The following EPB41L5 variants were observed in gnomAD, a reference collection of about 807,000 sequenced individuals.
EPB41L5 encodes band 4.1-like protein 5.
A neutral mutation model predicts 106.6 loss-of-function variants in EPB41L5; 55 were observed. That is an observed-to-expected ratio of 0.52 (90% confidence interval 0.42 to 0.65). The LOEUF (loss-of-function observed/expected upper bound fraction) is 0.65. EPB41L5 is among the 30% of genes least tolerant of loss of function. The probability of loss-of-function intolerance (pLI) is 0.00; values close to 1 mark genes in which losing one functional copy is unlikely to be tolerated. For synonymous variants in EPB41L5, 297 were observed against 306.7 expected (o/e 0.97, Z 0.33); for missense variants, 871 against 882.1 (o/e 0.99, Z 0.16).
Position 120,114,144 on chromosome 2 carries a change from C to CT in EPB41L5, c.1337+13336dup, listed in dbSNP as rs552595326. 7.7e-3 allele frequency among the ~76,000 whole-genome samples: 1,167 copies of CT among 152,216 alleles called. 12 individuals carry two copies. Among genetic ancestry groups the CT allele is most frequent in the African/African-American group, 0.027 (1,107 of 41,540 alleles). ...TTCACCAACACTTACTATTGCCTGTCTTTTTTATTATAGGCATCCTAGTTG... is the reference window on the plus strand; with the variant it reads ...TTCACCAACACTTACTATTGCCTGTCTTTTTTTATTATAGGCATCCTAGTTG... On this transcript the variant is annotated intron_variant, in intron 16 of 24. Coordinates refer to ENST00000263713, the MANE Select transcript of EPB41L5 (RefSeq NM_020909.4).
Position 120,120,739 on chromosome 2 carries a change from T to C in EPB41L5, c.1338-6949T>C, listed in dbSNP as rs548210141. Among the ~76,000 whole-genome samples, 3 of 152,244 alleles carry C rather than the reference T, an allele frequency of 2.0e-5. No individual in the cohort carries two copies. In the East Asian group the frequency reaches 5.8e-4, roughly 29 times the overall value. On this transcript the variant is annotated intron_variant, in intron 16 of 24. Coordinates refer to ENST00000263713, the MANE Select transcript of EPB41L5 (RefSeq NM_020909.4). ...GTTAAAGACTAAAATAATGAGGGGA[T>C]TGAGAACTGTAAGTTTTGAAAAACT... is the stretch of plus-strand genomic sequence containing the variant.
intron 16 of EPB41L5, among the ~76,000 whole-genome samples, chr2:120,123,906 C>T (rs1176868282): frequency 2.6e-5 from 4 of 152,092 alleles, no homozygotes; most frequent in Non-Finnish European, 4.4e-5. Flanking sequence ...AATCCTCCCA[C>T]CTCGGCCTCC....
intron 2 of EPB41L5, among the ~76,000 whole-genome samples, chr2:120,030,894 G>A (rs1376889163): frequency 2.7e-5 from 4 of 149,952 alleles, no homozygotes; most frequent in African/African-American, 7.4e-5. Context: ...AATTTATTTA[G>A]AGACAGAGTT....
chr2:120,173,078 C>A (rs1687756121), intron 24 of EPB41L5, among the ~76,000 whole-genome samples: 1 of 152,106 alleles, frequency 6.6e-6, no homozygotes, highest in Non-Finnish European at 1.5e-5. Flanking sequence ...ACAACAACAA[C>A]AAACCCACTA....
At chr2:120,136,331 G>A (rs572804772) in intron 18 of EPB41L5, among the ~76,000 whole-genome samples, 1 of 151,256 alleles carries the variant, frequency 6.6e-6, no homozygotes, top group Non-Finnish European at 1.5e-5. Context: ...AAAAAGGAAG[G>A]CAGGCAAGAA....
At chr2:120,029,189 G>GA (rs1678539086) in intron 2 of EPB41L5, among the ~76,000 whole-genome samples, 1 of 151,990 alleles carries the variant, frequency 6.6e-6, no homozygotes, top group East Asian at 1.9e-4. Flanking sequence ...TTCTGAGATG[G>GA]AGTCTCACTC....
chr2:120,099,761 T>G (rs916176514), intron 14 of EPB41L5, among the ~76,000 whole-genome samples: 1 of 152,112 alleles, frequency 6.6e-6, no homozygotes, highest in Admixed American at 6.5e-5. Context: ...TATAAGTCAT[T>G]TGGAGAGGAA....
chr2:120,013,809 A>G (rs1677313811), intron 1 of EPB41L5: 1 of 152,186 alleles, frequency 6.6e-6, no homozygotes, highest in Non-Finnish European at 1.5e-5. Context: ...AATTCTACCT[A>G]AGAGCGAGAC....
Position 120,160,863 on chromosome 2 carries a change from T to A in EPB41L5, c.1794-18T>A, listed in dbSNP as rs767618775. On this transcript the variant is annotated intron_variant, in intron 20 of 24. Coordinates refer to ENST00000263713, the MANE Select transcript of EPB41L5 (RefSeq NM_020909.4). Reference sequence around the variant, plus strand: ...TGTACAGGTCCTACATGATGTGAATTTATCTTTTTCTTCCTAGTGCTGTGT... The same window carrying A: ...TGTACAGGTCCTACATGATGTGAATATATCTTTTTCTTCCTAGTGCTGTGT... 2 of 1,589,880 alleles carry A rather than the reference T, an allele frequency of 1.3e-6. No homozygotes were observed. Among genetic ancestry groups the A allele is most frequent in the Non-Finnish European group, 1.7e-6 (2 of 1,158,106 alleles).
At chr2:120,113,711 G>T (rs562606255) in intron 16 of EPB41L5, among the ~76,000 whole-genome samples, 1 of 152,162 alleles carries the variant, frequency 6.6e-6, no homozygotes, top group South Asian at 2.1e-4. Context: ...AATTTACTTT[G>T]TGTTTCTATA....
chr2:120,084,458 T>A (rs1682915650), intron 10 of EPB41L5, among the ~76,000 whole-genome samples: 1 of 152,210 alleles, frequency 6.6e-6, no homozygotes, highest in African/African-American at 2.4e-5. Flanking sequence ...TGGCCCCTAG[T>A]CTCTTCTGGC....
Position 120,072,429 on chromosome 2 carries a change from C to G in EPB41L5, c.286-749C>G, listed in dbSNP as rs143313339. Among the ~76,000 whole-genome samples the G allele has an allele frequency of 3.4e-3, 523 of 152,164 alleles. 2 individuals are homozygous for G. The highest frequency in any genetic ancestry group is 8.6e-3 in the Admixed American group (131 of 15,254). ...ATTTGACCCAGCAATCCCATTACTGCGTATATACCCAAAGGATTATAAGTC... is the reference window on the plus strand; with the variant it reads ...ATTTGACCCAGCAATCCCATTACTGGGTATATACCCAAAGGATTATAAGTC... On this transcript the variant is annotated intron_variant, in intron 3 of 24. Transcript: ENST00000263713.
In EPB41L5 at chr2:120,175,418, C is replaced by CTTT. The variant is rs34620344; in HGVS notation, c.*523_*525dup. On this transcript the variant is annotated 3_prime_UTR_variant, in exon 25 of 25. Coordinates refer to ENST00000263713, the MANE Select transcript of EPB41L5 (RefSeq NM_020909.4). ...ACTATAAAGGCAGACTTAGGGCCAA[C>CTTT]TTTTTTTTTTTTTTACAATTATTAC... The CTTT allele has an allele frequency of 1.5e-3, 210 of 143,688 alleles. No individual in the cohort carries two copies. Among genetic ancestry groups the CTTT allele is most frequent in the African/African-American group, 4.8e-3 (187 of 39,190 alleles). 8.9% of individuals were successfully genotyped at this position (143,688 alleles called of 1,614,324 possible).
Position 120,041,968 on chromosome 2 carries a change from A to G in EPB41L5, c.181-38A>G, listed in dbSNP as rs371751756. On this transcript the variant is annotated intron_variant, in intron 2 of 24. Transcript: ENST00000263713. ...TTTGTTCAGGCTTGTTGATCTTATA[A>G]ACCACTTATTGATTTACTTATTATC... 68 of 1,487,042 alleles carry G rather than the reference A, an allele frequency of 4.6e-5. No homozygotes were observed. The Admixed American group carries it at 5.2e-4, about 11-fold the overall frequency. The allele number at this position is 1,487,042 out of a possible 1,614,324, so 92.1% of individuals were successfully genotyped here.
chr2:120,105,741 A>AAT, intron 16 of EPB41L5: 2 of 985,194 alleles, frequency 2.0e-6, no homozygotes, highest in African/African-American at 3.5e-5. Flanking sequence ...AATGGCCACT[A>AAT]ATGTATGGCC....
chr2:120,080,435 A>G (rs546320338), intron 10 of EPB41L5, among the ~76,000 whole-genome samples: 218 of 152,204 alleles, frequency 1.4e-3, no homozygotes, highest in African/African-American at 4.4e-3. Flanking sequence ...AAGGATATGA[A>G]CTCATCCTTT....
Position 120,160,797 on chromosome 2 carries a change from C to T in EPB41L5, c.1794-84C>T, listed in dbSNP as rs980230068. 7.9e-5 allele frequency: 75 copies of T among 944,646 alleles called. 1 individual carries two copies. In the Middle Eastern group the frequency reaches 8.6e-4, roughly 11 times the overall value. The allele number at this position is 944,646 out of a possible 1,614,324, so 58.5% of individuals were successfully genotyped here. A position where few individuals can be genotyped will look rare whatever the true frequency, so the allele number is the denominator to read the frequency against. On this transcript the variant is annotated intron_variant, in intron 20 of 24. Coordinates refer to ENST00000263713, the MANE Select transcript of EPB41L5 (RefSeq NM_020909.4). The stretch of plus-strand genomic sequence containing the variant: ...CCTTCCCCTACATGAATTTGTTGCA[C>T]TTCTTTCCTAAGCCCTTTCTTTGAA...
chr2:120,146,796 C>T (rs1410794115), intron 20 of EPB41L5, among the ~76,000 whole-genome samples: 46 of 152,186 alleles, frequency 3.0e-4, no homozygotes, highest in Non-Finnish European at 2.9e-5. Context: ...ACTTTCTTCA[C>T]CACTGTGAAT....
chr2:120,068,276 C>T (rs185459264), intron 3 of EPB41L5, among the ~76,000 whole-genome samples: 61 of 152,344 alleles, frequency 4.0e-4, no homozygotes, highest in Non-Finnish European at 7.3e-4. Flanking sequence ...CCATGGTCTT[C>T]GCCACCTGCA....
Sources: gnomAD v4.1 joint callset for allele counts (sites outside exome capture counted in the v4.1 genomes callset) on GRCh38, gnomAD v4.1.1 for gene constraint, MANE v1.5 for transcripts, NCBI Gene and HGNC (gene_info 2026-07-23, HGNC 2026-07-21) for gene names.